The following SLC24A2 variants were observed in gnomAD, a reference collection of about 807,000 sequenced individuals.
SLC24A2 encodes solute carrier family 24 member 2, also known as sodium/potassium/calcium exchanger 2.
Under a neutral mutation model 62.0 loss-of-function variants are expected in SLC24A2, and 36 were observed. That is an observed-to-expected ratio of 0.58 (90% CI 0.44 to 0.77). SLC24A2 has a LOEUF of 0.77. SLC24A2 is among the 30% of genes least tolerant of loss of function. The pLI, the probability that SLC24A2 is intolerant of heterozygous loss-of-function variation, is 0.00. For missense variants in SLC24A2, 846 were observed against 817.9 expected (o/e 1.03, Z -0.42); for synonymous variants, 358 against 294.0 (o/e 1.22, Z -2.23).
the SLC24A2 span, among the ~76,000 whole-genome samples, chr9:20,058,604 G>A: frequency 4.3e-4 from 66 of 151,874 alleles, no homozygotes; most frequent in Middle Eastern, 3.4e-3. Context: ...TTGCCAAGAC[G>A]CATTAAATAC....
chr9:20,019,660 G>A, the SLC24A2 span, among the ~76,000 whole-genome samples: 1 of 152,118 alleles, frequency 6.6e-6, no homozygotes, highest in Non-Finnish European at 1.5e-5. Flanking sequence ...CATAGGCATG[G>A]GCAAAGACTT....
At chr9:19,834,238 A>G in the SLC24A2 span, among the ~76,000 whole-genome samples, 119,408 of 152,118 alleles carry the variant, frequency 0.78, 50,147 homozygotes, top group Non-Finnish European at 0.94. Context: ...TGACTTTGAC[A>G]AGCTGAGAGA....
the SLC24A2 span, among the ~76,000 whole-genome samples, chr9:20,236,134 G>A: frequency 6.6e-6 from 1 of 152,170 alleles, no homozygotes; most frequent in Non-Finnish European, 1.5e-5. Context: ...TCTATCAGCA[G>A]CAGTCAAGAT....
chr9:19,683,975 C>A (rs774913054), intron 2 of SLC24A2, among the ~76,000 whole-genome samples: 1 of 152,142 alleles, frequency 6.6e-6, no homozygotes, highest in Non-Finnish European at 1.5e-5. Context: ...TGGTTACAAG[C>A]AAAAGAAACT....
chr9:19,604,875 C>T (rs1289667445), intron 4 of SLC24A2, among the ~76,000 whole-genome samples: 1 of 152,076 alleles, frequency 6.6e-6, no homozygotes, highest in African/African-American at 2.4e-5. Flanking sequence ...GGTTCTTTAC[C>T]ACAATAGAAA....
intron 2 of SLC24A2, among the ~76,000 whole-genome samples, chr9:19,673,823 C>A (rs569483352): frequency 6.6e-6 from 1 of 152,224 alleles, no homozygotes; most frequent in South Asian, 2.1e-4. Context: ...TCCATTCTGC[C>A]ATTCTGTATC....
chr9:20,005,075 T>C, the SLC24A2 span, among the ~76,000 whole-genome samples: 1 of 152,184 alleles, frequency 6.6e-6, no homozygotes. Context: ...TGTCCAAATA[T>C]GGGCATTAAA....
At chr9:19,939,320 C>T in the SLC24A2 span, among the ~76,000 whole-genome samples, 2 of 152,210 alleles carry the variant, frequency 1.3e-5, no homozygotes, top group South Asian at 2.1e-4. Flanking sequence ...GCTACTTACA[C>T]GCCTAGGCTA....
chr9:19,991,197 G>A, the SLC24A2 span, among the ~76,000 whole-genome samples: 2 of 152,072 alleles, frequency 1.3e-5, no homozygotes, highest in African/African-American at 2.4e-5. Flanking sequence ...TAAGGAAGCC[G>A]ACAGTGCAGC....
chr9:19,884,395 T>C, the SLC24A2 span, among the ~76,000 whole-genome samples: 1 of 152,138 alleles, frequency 6.6e-6, no homozygotes, highest in Non-Finnish European at 1.5e-5. Flanking sequence ...GTTCTATATC[T>C]GGGTTTTGTG....
At chr9:19,608,645 G>C (rs1003856481) in intron 4 of SLC24A2, among the ~76,000 whole-genome samples, 1 of 152,274 alleles carries the variant, frequency 6.6e-6, no homozygotes, top group African/African-American at 2.4e-5. Flanking sequence ...CCACTGCTGA[G>C]AGAATTACAT....
At chr9:20,123,990 A>G in the SLC24A2 span, among the ~76,000 whole-genome samples, 1 of 152,346 alleles carries the variant, frequency 6.6e-6, no homozygotes, top group African/African-American at 2.4e-5. Context: ...CCTGATTATT[A>G]GGCTTAAAAT....
chr9:20,222,997 T>A, the SLC24A2 span, among the ~76,000 whole-genome samples: 57 of 152,124 alleles, frequency 3.7e-4, no homozygotes, highest in African/African-American at 1.3e-3. Context: ...GTAGATGATA[T>A]GATTATCTAG....
intron 2 of SLC24A2, among the ~76,000 whole-genome samples, chr9:19,706,743 C>G (rs1820535670): frequency 6.6e-6 from 1 of 152,100 alleles, no homozygotes; most frequent in African/African-American, 2.4e-5. Context: ...ACCTCTGGGA[C>G]ACATTCAAAG....
chr9:19,967,753 C>G, the SLC24A2 span: 4 of 152,212 alleles, frequency 2.6e-5, no homozygotes, highest in Non-Finnish European at 4.4e-5. Flanking sequence ...CACAGCTCCA[C>G]TCATAATCAC....
chr9:20,106,015 T>C, the SLC24A2 span, among the ~76,000 whole-genome samples: 1 of 152,078 alleles, frequency 6.6e-6, no homozygotes, highest in African/African-American at 2.4e-5. Context: ...ATAAAGGGAA[T>C]ATCACCACTG....
the SLC24A2 span, among the ~76,000 whole-genome samples, chr9:20,096,591 A>T: frequency 1.3e-5 from 2 of 152,090 alleles, no homozygotes; most frequent in Admixed American, 6.6e-5. Flanking sequence ...TTTCTGTTTC[A>T]TAGAGGCAAT....
At chr9:19,932,436 T>G in the SLC24A2 span, among the ~76,000 whole-genome samples, 3 of 152,222 alleles carry the variant, frequency 2.0e-5, no homozygotes, top group Non-Finnish European at 4.4e-5. Context: ...ATTAATAATT[T>G]TAGGGGCCTG....
upstream of SLC24A2, among the ~76,000 whole-genome samples, chr9:19,793,880 C>G (rs945041763): frequency 6.6e-5 from 10 of 152,220 alleles, no homozygotes; most frequent in African/African-American, 1.9e-4. Context: ...CTAAGAGGAT[C>G]TGCTTTGCTT....
Sources: gnomAD v4.1 joint callset for allele counts (sites outside exome capture counted in the v4.1 genomes callset) on GRCh38, gnomAD v4.1.1 for gene constraint, MANE v1.5 for transcripts, NCBI Gene and HGNC (gene_info 2026-07-23, HGNC 2026-07-21) for gene names.